GPHN: variants seen among roughly 807,000 people sequenced by gnomAD.
GPHN encodes gephyrin.
GPHN carries 17 observed loss-of-function variants against 95.5 expected under a neutral mutation model. The ratio of observed to expected loss-of-function variants is 0.18; its 90% confidence interval spans 0.12 to 0.27. The LOEUF (loss-of-function observed/expected upper bound fraction) is 0.27, where lower values mean the gene tolerates loss of function less well. Among genes scored for constraint, GPHN ranks in the 10% least tolerant of loss-of-function variants. The pLI is 1.00. For missense variants in GPHN, 660 were observed against 978.1 expected, an observed-to-expected ratio of 0.67 and a Z score of 4.34; for synonymous variants, 320 against 322.5, an observed-to-expected ratio of 0.99 and a Z score of 0.08.
rs757030425 is a variant in GPHN at position 67,111,913 on chromosome 14, A to G, written c.1466A>G (p.Asp489Gly). 3.7e-6 allele frequency: 6 copies of G among 1,611,304 alleles called. No homozygotes were observed. Among genetic ancestry groups the G allele is most frequent in the East Asian group, 2.2e-5 (1 of 44,878 alleles). ...RILVQARPGQ[D>G]IRPIGHDIKR... ...CTGGTGCAAGCTCGGCCAGGCCAAGATATCAGGTAACTTCAAAACACATAG... is the reference window on the plus strand; with the variant it reads ...CTGGTGCAAGCTCGGCCAGGCCAAGGTATCAGGTAACTTCAAAACACATAG... The change falls in exon 15 of 23, where the codon GAT becomes GGT. Residue 489 changes from aspartate to glycine, a missense_variant. Around this residue, in one of 6 missense-constraint regions of GPHN, gnomAD observed 257 missense variants for 376.2 expected, o/e 0.68. Coordinates refer to ENST00000478722, the MANE Select transcript of GPHN (RefSeq NM_020806.5).
intron 4 of GPHN, among the ~76,000 whole-genome samples, chr14:66,851,250 T>C (rs2062570852): frequency 6.6e-6 from 1 of 152,060 alleles, no homozygotes; most frequent in Non-Finnish European, 1.5e-5. Context: ...AACCAGAATA[T>C]TATCAGTGTC....
chr14:67,267,511 A>G, the GPHN span, among the ~76,000 whole-genome samples: 1 of 151,814 alleles, frequency 6.6e-6, no homozygotes, highest in Middle Eastern at 3.4e-3. Flanking sequence ...TTGGCCTCCC[A>G]AAGTGCTGGG....
At chr14:67,128,815 ATTT>A (rs1157802353) in intron 17 of GPHN, among the ~76,000 whole-genome samples, 3 of 139,804 alleles carry the variant, frequency 2.1e-5, no homozygotes, top group Non-Finnish European at 1.6e-5. Context: ...GGCGCTTCTA[ATTT>A]TTTTTTTTTT....
chr14:67,579,068 G>C, the GPHN span: 3 of 1,150,742 alleles, frequency 2.6e-6, no homozygotes, highest in Middle Eastern at 1.9e-4. Flanking sequence ...TCTAGATAGG[G>C]ATCCGGGGTG....
chr14:66,894,527 A>G (rs1373243034), intron 5 of GPHN, among the ~76,000 whole-genome samples: 1 of 152,212 alleles, frequency 6.6e-6, no homozygotes, highest in Non-Finnish European at 1.5e-5. Flanking sequence ...TAATTAAACT[A>G]AAGAGCTTCT....
chr14:67,150,466 A>AC lies in GPHN; in HGVS notation c.1836+7017_1836+7018insC, dbSNP rs1227781337. On this transcript the variant is annotated intron_variant, in intron 18 of 22. Transcript: ENST00000478722. ...AAAAAAAAAAAACAAAAAAAAAAAAAAAAAAAACATTGTAAGGTTTTCAGA... is the reference window on the plus strand; with the variant it reads ...AAAAAAAAAAAACAAAAAAAAAAAAACAAAAAAACATTGTAAGGTTTTCAGA... Among the ~76,000 whole-genome samples the AC allele has an allele frequency of 8.9e-4, 135 of 150,932 alleles. 1 individual carries two copies. Among genetic ancestry groups the AC allele is most frequent in the Admixed American group, 1.5e-3 (23 of 15,156 alleles).
chr14:67,067,873 G>A (rs927406764), intron 11 of GPHN, among the ~76,000 whole-genome samples: 1 of 152,212 alleles, frequency 6.6e-6, no homozygotes, highest in Non-Finnish European at 1.5e-5. Flanking sequence ...GCTTCCCTTG[G>A]CTAGGAAAGG....
the GPHN span, chr14:67,338,164 GGA>G: frequency 1.3e-5 from 2 of 153,720 alleles, no homozygotes; most frequent in Non-Finnish European, 2.9e-5. Flanking sequence ...TGTCATGCAA[GGA>G]AAAGTGCAGG....
chr14:66,550,784 C>T (rs1333074702), intron 1 of GPHN, among the ~76,000 whole-genome samples: 1 of 152,158 alleles, frequency 6.6e-6, no homozygotes, highest in African/African-American at 2.4e-5. Context: ...GACTCTCCAC[C>T]AGCAAAAAGA....
At chr14:67,416,101 G>A in the GPHN span, among the ~76,000 whole-genome samples, 2 of 152,216 alleles carry the variant, frequency 1.3e-5, no homozygotes, top group Non-Finnish European at 2.9e-5. Flanking sequence ...TAACAAACCT[G>A]CACATCCCGC....
chr14:67,430,763 C>T, the GPHN span, among the ~76,000 whole-genome samples: 1 of 152,076 alleles, frequency 6.6e-6, no homozygotes, highest in African/African-American at 2.4e-5. Context: ...AGGGCCTGCT[C>T]ATCAGTAAGG....
chr14:67,711,060 A>C, the GPHN span, among the ~76,000 whole-genome samples: 2 of 152,208 alleles, frequency 1.3e-5, no homozygotes, highest in African/African-American at 4.8e-5. Flanking sequence ...GGCCAAACAA[A>C]TTTTGAGAGG....
the GPHN span, among the ~76,000 whole-genome samples, chr14:67,641,814 AT>A: frequency 6.6e-6 from 1 of 152,062 alleles, no homozygotes; most frequent in African/African-American, 2.4e-5. Context: ...CTCTTTGTGT[AT>A]TTTTTTGCTA....
the GPHN span, among the ~76,000 whole-genome samples, chr14:67,536,412 C>T: frequency 1.3e-5 from 2 of 151,844 alleles, no homozygotes; most frequent in African/African-American, 4.9e-5. Context: ...GGTAGCCCCT[C>T]ACTAGCAAGT....
At chr14:67,022,969 T>A (rs1175665815) in intron 9 of GPHN, among the ~76,000 whole-genome samples, 2 of 152,076 alleles carry the variant, frequency 1.3e-5, no homozygotes. Context: ...GGTTTCTGAT[T>A]GATAAATTCT....
At chr14:67,044,795 C>G (rs1035938741) in intron 10 of GPHN, among the ~76,000 whole-genome samples, 1 of 150,486 alleles carries the variant, frequency 6.6e-6, no homozygotes, top group African/African-American at 2.5e-5. Context: ...CTGTCTTTCT[C>G]TCTGTCTCTC....
At chr14:67,340,469 C>T in the GPHN span, 3 of 1,613,898 alleles carry the variant, frequency 1.9e-6, no homozygotes, top group Non-Finnish European at 2.5e-6. Context: ...CTCTCTCATC[C>T]AGCTCTGTGA....
the GPHN span, among the ~76,000 whole-genome samples, chr14:67,400,572 T>G: frequency 6.6e-6 from 1 of 152,202 alleles, no homozygotes; most frequent in Non-Finnish European, 1.5e-5. Flanking sequence ...CTGGGACATC[T>G]GGGTGCTTCT....
At chr14:67,735,222 G>A in the GPHN span, 3 of 1,458,718 alleles carry the variant, frequency 2.1e-6, no homozygotes, top group South Asian at 2.3e-5. Context: ...TTCTCGTGGT[G>A]TTCAGGTGCT....
Sources: allele counts gnomAD v4.1 joint callset (sites outside exome capture counted in the v4.1 genomes callset), GRCh38; gene constraint gnomAD v4.1.1; regional missense constraint gnomAD v4.1.1; transcripts MANE v1.5; gene names NCBI Gene and HGNC (gene_info 2026-07-23, HGNC 2026-07-21).